STAC: variants seen among roughly 807,000 people sequenced by gnomAD.
STAC encodes SH3 and cysteine rich domain, also known as SH3 and cysteine-rich domain-containing protein.
A neutral mutation model predicts 48.8 loss-of-function variants in STAC; 43 were observed. That is an observed-to-expected ratio of 0.88 (90% confidence interval 0.69 to 1.14). STAC has a LOEUF of 1.14. Ranked by LOEUF, STAC falls within the 50% of genes most tolerant of loss-of-function variation. STAC has a pLI of 0.00. For synonymous variants in STAC, 193 were observed against 179.5 expected, an observed-to-expected ratio of 1.07 and a Z score of -0.60; for missense variants, 497 against 504.0, an observed-to-expected ratio of 0.99 and a Z score of 0.13.
chr3:36,545,513 C>G (rs751239332), intron 10 of STAC, among the ~76,000 whole-genome samples: 1 of 152,204 alleles, frequency 6.6e-6, no homozygotes, highest in Non-Finnish European at 1.5e-5. Flanking sequence ...GCAAGAGAAA[C>G]TCACAACACA....
chr3:36,435,658 C>T (rs922136307), intron 1 of STAC, among the ~76,000 whole-genome samples: 2 of 152,290 alleles, frequency 1.3e-5, no homozygotes, highest in Non-Finnish European at 2.9e-5. Context: ...GCCGTCCTCT[C>T]CTGAAACCTC....
intron 6 of STAC, among the ~76,000 whole-genome samples, chr3:36,503,608 A>G (rs1698329676): frequency 6.6e-6 from 1 of 151,720 alleles, no homozygotes; most frequent in Non-Finnish European, 1.5e-5. Flanking sequence ...TAATTTTTGT[A>G]TTTTAGTAGA....
chr3:36,394,246 C>T (rs983540031), intron 1 of STAC, among the ~76,000 whole-genome samples: 1 of 152,068 alleles, frequency 6.6e-6, no homozygotes, highest in African/African-American at 2.4e-5. Flanking sequence ...TAACACTAGC[C>T]ATATTTCAAG....
chr3:36,538,999 GT>G (rs1699261291), intron 10 of STAC, among the ~76,000 whole-genome samples: 2 of 151,934 alleles, frequency 1.3e-5, no homozygotes, highest in Admixed American at 6.6e-5. Context: ...TATAGTTTTA[GT>G]GTCTTTATTA....
intron 10 of STAC, among the ~76,000 whole-genome samples, chr3:36,532,645 C>G (rs1233632513): frequency 6.6e-6 from 1 of 152,130 alleles, no homozygotes; most frequent in Non-Finnish European, 1.5e-5. Context: ...CCCTGGAAAC[C>G]TACTACCCCT....
intron 6 of STAC, 71 bp from the exon 7 acceptor site, chr3:36,504,322 C>G (rs1371928970): frequency 3.6e-6 from 5 of 1,372,198 alleles, no homozygotes; most frequent in Non-Finnish European, 5.2e-6. Flanking sequence ...TAAATAAAGC[C>G]ATCTTTCAGG....
intron 2 of STAC, among the ~76,000 whole-genome samples, chr3:36,458,066 G>A (rs1162863133): frequency 2.0e-5 from 3 of 152,094 alleles, no homozygotes; most frequent in African/African-American, 7.2e-5. Context: ...AGCAAGGAGT[G>A]GGGAACATAG....
intron 2 of STAC, among the ~76,000 whole-genome samples, chr3:36,465,665 G>T (rs904094846): frequency 1.3e-5 from 2 of 151,976 alleles, no homozygotes; most frequent in African/African-American, 4.8e-5. Context: ...TGATCACAAG[G>T]TCCCACAACA....
chr3:36,545,580 T>A (rs932415383), intron 10 of STAC, among the ~76,000 whole-genome samples: 1 of 152,228 alleles, frequency 6.6e-6, no homozygotes, highest in Non-Finnish European at 1.5e-5. Flanking sequence ...TCCACCCTTC[T>A]ATGCCCTTCA....
chr3:36,430,516 AT>A (rs768471092), intron 1 of STAC, among the ~76,000 whole-genome samples: 1 of 152,234 alleles, frequency 6.6e-6, no homozygotes, highest in Non-Finnish European at 1.5e-5. Flanking sequence ...AGTGGAGCAT[AT>A]GCTAAATACA....
intron 2 of STAC, among the ~76,000 whole-genome samples, chr3:36,450,792 C>T (rs1014806944): frequency 2.0e-5 from 3 of 152,156 alleles, no homozygotes; most frequent in Non-Finnish European, 4.4e-5. Context: ...CCCAAAGTCC[C>T]GGGATTACAG....
At chr3:36,394,113 C>G (rs1699806455) in intron 1 of STAC, among the ~76,000 whole-genome samples, 1 of 152,096 alleles carries the variant, frequency 6.6e-6, no homozygotes, top group Admixed American at 6.5e-5. Context: ...GACACCTAAA[C>G]TCACCTACGG....
At chr3:36,492,349 A>G (rs576236400) in intron 5 of STAC, among the ~76,000 whole-genome samples, 149 of 152,246 alleles carry the variant, frequency 9.8e-4, no homozygotes, top group African/African-American at 3.1e-3. Flanking sequence ...ACAATGCTTA[A>G]GAGCACGAGC....
At chr3:36,505,651 C>T in intron 7 of STAC, 95 bp from the exon 8 acceptor site, 1 of 788,200 alleles carries the variant, frequency 1.3e-6, no homozygotes, top group Non-Finnish European at 2.1e-6. Flanking sequence ...ACTGAAATTA[C>T]ATTGCAATGA....
intron 2 of STAC, among the ~76,000 whole-genome samples, chr3:36,467,301 TTTTC>T (rs1697205111): frequency 6.6e-6 from 1 of 152,138 alleles, no homozygotes; most frequent in Non-Finnish European, 1.5e-5. Flanking sequence ...TGGTCTGTAG[TTTTC>T]TTTATTTGTT....
chr3:36,485,906 C>T (rs113161663), intron 4 of STAC: 6,625 of 384,208 alleles, frequency 0.017, 58 homozygotes, highest in Non-Finnish European at 0.019. Context: ...AGGAAGAATT[C>T]GGGAGCAGAG....
chr3:36,389,472 C>T (rs1462074209), intron 1 of STAC, among the ~76,000 whole-genome samples: 1 of 152,130 alleles, frequency 6.6e-6, no homozygotes, highest in Non-Finnish European at 1.5e-5. Flanking sequence ...TACCGTCATA[C>T]TGGTGGATTA....
chr3:36,517,574 A>G (rs890169179), intron 8 of STAC, among the ~76,000 whole-genome samples: 1 of 152,190 alleles, frequency 6.6e-6, no homozygotes, highest in Non-Finnish European at 1.5e-5. Context: ...GGATCACTTG[A>G]GCCCAGGAGG....
At chr3:36,495,128 A>G (rs1698108339) in intron 6 of STAC, among the ~76,000 whole-genome samples, 1 of 152,202 alleles carries the variant, frequency 6.6e-6, no homozygotes, top group African/African-American at 2.4e-5. Flanking sequence ...GTGATCCCAA[A>G]GCAGTGACCT....
Sources: allele counts gnomAD v4.1 joint callset (sites outside exome capture counted in the v4.1 genomes callset), GRCh38; gene constraint gnomAD v4.1.1; transcripts MANE v1.5; gene names NCBI Gene and HGNC (gene_info 2026-07-23, HGNC 2026-07-21).